Variants in FOXP2 observed in about 807,000 individuals in gnomAD.
FOXP2 encodes the protein forkhead box P2, also known as forkhead box protein P2.
A neutral mutation model predicts 115.8 loss-of-function variants in FOXP2; 12 were observed. That is an observed-to-expected ratio of 0.10 (90% CI 0.07 to 0.17). The LOEUF (loss-of-function observed/expected upper bound fraction) is 0.17. Ranked by LOEUF, FOXP2 falls within the 10% of genes least tolerant of loss-of-function variation. FOXP2 has a pLI of 1.00. For missense variants in FOXP2, 629 were observed against 843.5 expected, an observed-to-expected ratio of 0.75 and a Z score of 3.15; for synonymous variants, 328 against 297.7, an observed-to-expected ratio of 1.10 and a Z score of -1.05.
intron 1 of FOXP2, among the ~76,000 whole-genome samples, chr7:114,223,542 T>C (rs1794676433): frequency 6.9e-6 from 1 of 145,890 alleles, no homozygotes; most frequent in Admixed American, 6.9e-5. Context: ...ATATGTGCTT[T>C]GTTGGATAGG....
At chr7:114,215,174 A>G (rs1053483054) in intron 1 of FOXP2, among the ~76,000 whole-genome samples, 2 of 152,152 alleles carry the variant, frequency 1.3e-5, no homozygotes, top group African/African-American at 4.8e-5. Flanking sequence ...TTTGATATTT[A>G]ATCTTTAATA....
intron 1 of FOXP2, among the ~76,000 whole-genome samples, chr7:114,117,163 T>C (rs1015005435): frequency 3.9e-5 from 6 of 151,918 alleles, no homozygotes; most frequent in Non-Finnish European, 5.9e-5. Context: ...TTATTTATTA[T>C]AGAATTGTAA....
At chr7:114,525,800 T>C (rs1423229900) in intron 2 of FOXP2, among the ~76,000 whole-genome samples, 1 of 152,118 alleles carries the variant, frequency 6.6e-6, no homozygotes, top group Non-Finnish European at 1.5e-5. Context: ...AGGGACTTGC[T>C]CAATTTTCTT....
intron 2 of FOXP2, among the ~76,000 whole-genome samples, chr7:114,465,198 C>A (rs1404495004): frequency 2.6e-5 from 4 of 152,132 alleles, no homozygotes; most frequent in Non-Finnish European, 5.9e-5. Context: ...CTCCTGGGGT[C>A]AAGCAATCCT....
intron 1 of FOXP2, among the ~76,000 whole-genome samples, chr7:114,182,039 G>T (rs2129155211): frequency 6.6e-6 from 1 of 151,906 alleles, no homozygotes; most frequent in Middle Eastern, 3.5e-3. Flanking sequence ...TACTTTAATT[G>T]CTTTATGCAT....
intron 10 of FOXP2, chr7:114,656,454 C>A (rs1467356072): frequency 4.5e-6 from 2 of 446,056 alleles, no homozygotes; most frequent in Non-Finnish European, 9.0e-6. Context: ...TTTGCAAAGT[C>A]ACATACAGAT....
intron 8 of FOXP2, among the ~76,000 whole-genome samples, chr7:114,651,128 C>A (rs1806228755): frequency 6.6e-6 from 1 of 151,888 alleles, no homozygotes; most frequent in Admixed American, 6.6e-5. Context: ...ATTCAGTATA[C>A]CCAGGGCTAT....
upstream of FOXP2, among the ~76,000 whole-genome samples, chr7:114,409,586 C>G (rs1793116975): frequency 6.6e-6 from 1 of 152,000 alleles, no homozygotes; most frequent in Non-Finnish European, 1.5e-5. Flanking sequence ...TTATTTAACT[C>G]TTCCTTATTT....
chr7:114,621,447 A>C (rs1239210593), intron 3 of FOXP2, among the ~76,000 whole-genome samples: 1 of 152,102 alleles, frequency 6.6e-6, no homozygotes, highest in African/African-American at 2.4e-5. Flanking sequence ...CCTGGCAGAC[A>C]TGAACTAATC....
At chr7:114,200,900 A>G (rs2129159508) in intron 1 of FOXP2, among the ~76,000 whole-genome samples, 1 of 152,350 alleles carries the variant, frequency 6.6e-6, no homozygotes, top group East Asian at 1.9e-4. Context: ...CACGCCCGTA[A>G]TCCCAGCACT....
At chr7:114,306,908 T>C (rs1334605018) in intron 2 of FOXP2, among the ~76,000 whole-genome samples, 1 of 152,166 alleles carries the variant, frequency 6.6e-6, no homozygotes, top group Non-Finnish European at 1.5e-5. Flanking sequence ...TGGCCTCCTC[T>C]GCCTACCTCT....
At chr7:114,588,563 C>T (rs1329966619) in intron 3 of FOXP2, among the ~76,000 whole-genome samples, 8 of 151,988 alleles carry the variant, frequency 5.3e-5, no homozygotes, top group Non-Finnish European at 4.4e-5. Flanking sequence ...TTTTTGTGGT[C>T]GGAAGGGAAT....
At chr7:114,252,923 G>A (rs1322988863) in intron 1 of FOXP2, among the ~76,000 whole-genome samples, 1 of 151,934 alleles carries the variant, frequency 6.6e-6, no homozygotes, top group Non-Finnish European at 1.5e-5. Context: ...TTCTCTTGTG[G>A]GCATTTAGTG....
intron 2 of FOXP2, among the ~76,000 whole-genome samples, chr7:114,469,658 G>A (rs1056871120): frequency 6.6e-6 from 1 of 152,064 alleles, no homozygotes; most frequent in Non-Finnish European, 1.5e-5. Flanking sequence ...TTGTGCATTA[G>A]GAAGCAATGA....
chr7:114,310,399 T>C (rs1036066837), intron 2 of FOXP2, among the ~76,000 whole-genome samples: 1 of 152,188 alleles, frequency 6.6e-6, no homozygotes, highest in Admixed American at 6.5e-5. Flanking sequence ...CCTAGCTTAA[T>C]AGTCATCATG....
At position 114,403,731 on chromosome 7, in the gene FOXP2, A is replaced by T. The variant is rs530721346; in HGVS notation, c.-10-22771A>T. On this transcript the variant is annotated intron_variant, in intron 2 of 17. Coordinates refer to the FOXP2 transcript ENST00000634411. ...ATATAAATCCCTAGAAAATGCTGGT[A>T]AATATTCCAAAGTGATGGAGAAATT... Among the ~76,000 whole-genome samples, 84 of 152,348 alleles carry T rather than the reference A, an allele frequency of 5.5e-4. 1 individual carries two copies. In the South Asian group the frequency reaches 0.017, roughly 32 times the overall value.
Position 114,689,562 on chromosome 7 carries a change from G to T in FOXP2, c.2004-220G>T, listed in dbSNP as rs575866596. On this transcript the variant is annotated intron_variant, in intron 16 of 16. Transcript: ENST00000350908. ...ATGTTTTACCTAAACAGCACAGCAT[G>T]TGGGAGTCCATGCTCACATTACTCT... is the stretch of plus-strand genomic sequence containing the variant. Among the ~76,000 whole-genome samples, 4 of 152,258 alleles carry T rather than the reference G, an allele frequency of 2.6e-5. No homozygotes were observed. The East Asian group carries it at 7.7e-4, about 29-fold the overall frequency.
In FOXP2 at chr7:114,401,350, C is replaced by G. The variant is rs946402016; in HGVS notation, c.-10-25152C>G. 2.0e-5 allele frequency among the ~76,000 whole-genome samples: 3 copies of G among 152,108 alleles called. No homozygotes were observed. The East Asian group carries it at 5.8e-4, about 29-fold the overall frequency. On this transcript the variant is annotated intron_variant, in intron 2 of 17. Coordinates refer to the FOXP2 transcript ENST00000634411. Reference sequence around the variant, plus strand: ...TCCTTCCAGAAAGTTTGCACTGAAACTTTTGCTTTTTTAAAGAAACAGTTT... The same window carrying G: ...TCCTTCCAGAAAGTTTGCACTGAAAGTTTTGCTTTTTTAAAGAAACAGTTT...
chr7:114,211,584 T>C (rs1206668063), intron 1 of FOXP2, among the ~76,000 whole-genome samples: 1 of 152,198 alleles, frequency 6.6e-6, no homozygotes, highest in African/African-American at 2.4e-5. Context: ...CACATTCCTC[T>C]TTGTGAGTGC....
Sources: allele counts gnomAD v4.1 joint callset (sites outside exome capture counted in the v4.1 genomes callset), GRCh38; gene constraint gnomAD v4.1.1; transcripts MANE v1.5; gene names NCBI Gene and HGNC (gene_info 2026-07-23, HGNC 2026-07-21).